Variants in GPC6 observed in about 807,000 individuals in gnomAD.
The protein encoded by GPC6 is glypican-6.
GPC6 carries 14 observed loss-of-function variants against 55.2 expected under a neutral mutation model. That is an observed-to-expected ratio of 0.25 (90% confidence interval 0.17 to 0.40). GPC6 has a LOEUF of 0.40. GPC6 is among the 10% of genes least tolerant of loss of function. The pLI, the probability that GPC6 is intolerant of heterozygous loss-of-function variation, is 1.00. For missense variants in GPC6, 641 were observed against 708.5 expected (o/e 0.90, Z 1.08); for synonymous variants, 278 against 259.6 (o/e 1.07, Z -0.68).
At chr13:93,788,744 C>T (rs1403780283) in intron 2 of GPC6, among the ~76,000 whole-genome samples, 4 of 151,968 alleles carry the variant, frequency 2.6e-5, no homozygotes, top group Admixed American at 2.6e-4. Flanking sequence ...GGCCAGAGAT[C>T]CAGAAGGGTT....
At chr13:94,142,942 C>T (rs1887438252) in intron 4 of GPC6, among the ~76,000 whole-genome samples, 1 of 151,718 alleles carries the variant, frequency 6.6e-6, no homozygotes, top group South Asian at 2.1e-4. Context: ...AATTCTCCCA[C>T]CTTAGCCTCC....
At chr13:93,358,709 G>A (rs1051368630) in intron 1 of GPC6, among the ~76,000 whole-genome samples, 1 of 152,136 alleles carries the variant, frequency 6.6e-6, no homozygotes, top group African/African-American at 2.4e-5. Context: ...AATTTTGGAA[G>A]ATGATTTTTT....
At chr13:93,538,724 C>T (rs1882162864) in intron 1 of GPC6, among the ~76,000 whole-genome samples, 1 of 152,150 alleles carries the variant, frequency 6.6e-6, no homozygotes, top group African/African-American at 2.4e-5. Flanking sequence ...CTGAGAAAGT[C>T]ACCTACTCTC....
At chr13:94,095,826 A>G (rs1024319056) in intron 4 of GPC6, among the ~76,000 whole-genome samples, 1 of 152,214 alleles carries the variant, frequency 6.6e-6, no homozygotes, top group South Asian at 2.1e-4. Context: ...TCGACCTATT[A>G]TGGTAAATAG....
chr13:93,710,698 C>CCA (rs1883025059), intron 2 of GPC6, among the ~76,000 whole-genome samples: 1 of 145,840 alleles, frequency 6.9e-6, no homozygotes, highest in African/African-American at 2.6e-5. Context: ...TCCCCCCCCC[C>CCA]AAAAAAAATA....
In GPC6 at chr13:94,315,802, C is replaced by T. The variant is rs1047848222; in HGVS notation, c.1152+9679C>T. On this transcript the variant is annotated intron_variant, in intron 6 of 8. Transcript: ENST00000377047. ...TTATTGTGCACTAACATGAACCATG[C>T]GTAGGTGACTAGACCATAATCGAAG... Among the ~76,000 whole-genome samples, 8 of 152,302 alleles carry T rather than the reference C, an allele frequency of 5.3e-5. No individual in the cohort carries two copies. The East Asian group carries it at 1.3e-3, about 26-fold the overall frequency.
At chr13:93,921,788 T>C (rs1389996455) in intron 3 of GPC6, among the ~76,000 whole-genome samples, 1 of 151,794 alleles carries the variant, frequency 6.6e-6, no homozygotes, top group Non-Finnish European at 1.5e-5. Context: ...GCCATTTACA[T>C]TACCAGGTTT....
At chr13:93,884,523 A>G (rs1011579937) in intron 3 of GPC6, among the ~76,000 whole-genome samples, 3 of 152,136 alleles carry the variant, frequency 2.0e-5, no homozygotes, top group East Asian at 3.9e-4. Context: ...AAGATTTTGC[A>G]TTCAAAGTAG....
chr13:94,160,637 T>G (rs1888125779), intron 4 of GPC6, among the ~76,000 whole-genome samples: 1 of 152,226 alleles, frequency 6.6e-6, no homozygotes, highest in African/African-American at 2.4e-5. Context: ...CAGTAAACAC[T>G]TACTGCTTCA....
At chr13:94,184,296 GA>G (rs1889096877) in intron 4 of GPC6, among the ~76,000 whole-genome samples, 1 of 151,420 alleles carries the variant, frequency 6.6e-6, no homozygotes, top group South Asian at 2.1e-4. Flanking sequence ...TTAAACCATA[GA>G]GCTTTTGCAC....
At chr13:94,376,474 T>C (rs1175108972) in intron 6 of GPC6, among the ~76,000 whole-genome samples, 10 of 152,198 alleles carry the variant, frequency 6.6e-5, no homozygotes, top group Middle Eastern at 3.4e-3. Flanking sequence ...ATTAAATACC[T>C]AGGAATCCAA....
intron 1 of GPC6, among the ~76,000 whole-genome samples, chr13:93,351,586 A>G (rs985399596): frequency 6.6e-6 from 1 of 152,134 alleles, no homozygotes; most frequent in African/African-American, 2.4e-5. Context: ...GAAGGAGGAT[A>G]TTGAATGTTC....
chr13:93,754,861 T>G (rs1317802185), intron 2 of GPC6, among the ~76,000 whole-genome samples: 5 of 152,172 alleles, frequency 3.3e-5, no homozygotes, highest in African/African-American at 1.2e-4. Flanking sequence ...CTACAAAGCC[T>G]GAGCATGAAT....
chr13:93,827,181 T>A (rs1188525799), intron 2 of GPC6, among the ~76,000 whole-genome samples: 1 of 152,224 alleles, frequency 6.6e-6, no homozygotes, highest in Non-Finnish European at 1.5e-5. Flanking sequence ...TGCTTTGTCC[T>A]CTTCCATTAA....
Position 93,545,426 on chromosome 13 carries a change from G to A in GPC6, c.319+5G>A. ...CCAGGCATAAGAAATTTGACGGTAG[G>A]TGAAATGGTTTTCACTTCAGTTTGT... is the stretch of plus-strand genomic sequence containing the variant. On this transcript the variant is annotated splice_donor_5th_base_variant and intron_variant, in intron 2 of 8. Transcript: ENST00000377047. 1 of 1,612,320 alleles carries A rather than the reference G, an allele frequency of 6.2e-7. No homozygotes were observed. The highest frequency in any genetic ancestry group is 8.5e-7 in the Non-Finnish European group (1 of 1,178,414).
At chr13:93,577,047 A>G (rs1876701798) in intron 2 of GPC6, among the ~76,000 whole-genome samples, 2 of 152,172 alleles carry the variant, frequency 1.3e-5, no homozygotes, top group Non-Finnish European at 2.9e-5. Flanking sequence ...TGATGATGCC[A>G]TGATTTCTAG....
At chr13:93,502,070 A>G (rs1293356436) in intron 1 of GPC6, among the ~76,000 whole-genome samples, 1 of 152,118 alleles carries the variant, frequency 6.6e-6, no homozygotes, top group Non-Finnish European at 1.5e-5. Flanking sequence ...ACCCAGGCAC[A>G]TTTAAAATCT....
intron 1 of GPC6, among the ~76,000 whole-genome samples, chr13:93,444,420 A>T (rs574318933): frequency 1.0e-3 from 152 of 152,216 alleles, no homozygotes; most frequent in African/African-American, 3.4e-3. Flanking sequence ...CAGCCTGCCT[A>T]ATACGGTGAA....
intron 3 of GPC6, among the ~76,000 whole-genome samples, chr13:93,990,592 C>G (rs1251131004): frequency 6.6e-6 from 1 of 152,132 alleles, no homozygotes; most frequent in African/African-American, 2.4e-5. Context: ...TACAGTGGCT[C>G]ACACCTGTAG....
Sources: gnomAD v4.1 joint callset for allele counts (sites outside exome capture counted in the v4.1 genomes callset) on GRCh38, gnomAD v4.1.1 for gene constraint, MANE v1.5 for transcripts, NCBI Gene and HGNC (gene_info 2026-07-23, HGNC 2026-07-21) for gene names.